DOCK4: variants seen among roughly 807,000 people sequenced by gnomAD.
DOCK4 encodes the protein dedicator of cytokinesis protein 4.
A neutral mutation model predicts 268.1 loss-of-function variants in DOCK4; 97 were observed. That is an observed-to-expected ratio of 0.36 (90% CI 0.31 to 0.43). The LOEUF (loss-of-function observed/expected upper bound fraction) is 0.43, where lower values mean the gene tolerates loss of function less well. Ranked by LOEUF, DOCK4 falls within the 20% of genes least tolerant of loss-of-function variation. The pLI, the probability that DOCK4 is intolerant of heterozygous loss-of-function variation, is 1.00. For missense variants in DOCK4, 2,145 were observed against 2,455.7 expected, an observed-to-expected ratio of 0.87 and a Z score of 2.67; for synonymous variants, 954 against 887.2, an observed-to-expected ratio of 1.08 and a Z score of -1.34.
rs558332124 is a variant in DOCK4 at position 111,911,780 on chromosome 7, A to C, written c.1192+3999T>G. On this transcript the variant is annotated intron_variant, in intron 13 of 52. Transcript: ENST00000428084. ...AGAGACCAAGCTGAGGAATTCTTCC[A>C]GCAGCTGGCTGCATTCTGCTCTAAA... Among the ~76,000 whole-genome samples, 11 of 152,222 alleles carry C rather than the reference A, an allele frequency of 7.2e-5. No individual in the cohort carries two copies. In the East Asian group the frequency reaches 2.1e-3, roughly 29 times the overall value.
chr7:112,156,114 C>A (rs929938529), intron 1 of DOCK4, among the ~76,000 whole-genome samples: 3 of 151,038 alleles, frequency 2.0e-5, no homozygotes, highest in Non-Finnish European at 4.4e-5. Context: ...GAGTCTCTTA[C>A]CCAACCTACA....
At chr7:112,080,488 G>T (rs1808483264) in intron 1 of DOCK4, among the ~76,000 whole-genome samples, 2 of 152,148 alleles carry the variant, frequency 1.3e-5, no homozygotes, top group Non-Finnish European at 2.9e-5. Flanking sequence ...TTACATATCT[G>T]CCAGTTTTTG....
At chr7:112,187,315 C>A (rs1346621612) in intron 1 of DOCK4, among the ~76,000 whole-genome samples, 2 of 152,174 alleles carry the variant, frequency 1.3e-5, no homozygotes, top group Non-Finnish European at 2.9e-5. Context: ...AGAGTCCAGT[C>A]ACTTTGAAGT....
chr7:112,129,907 GT>G (rs1813641764), intron 1 of DOCK4, among the ~76,000 whole-genome samples: 1 of 152,126 alleles, frequency 6.6e-6, no homozygotes, highest in Non-Finnish European at 1.5e-5. Context: ...ACCTTTTATA[GT>G]GGGATAAAAT....
intron 30 of DOCK4, among the ~76,000 whole-genome samples, chr7:111,806,821 T>C (rs1800710381): frequency 6.6e-6 from 1 of 152,228 alleles, no homozygotes; most frequent in East Asian, 1.9e-4. Context: ...AACAAAATAC[T>C]GCATTATAGG....
rs527951864 is a variant in DOCK4 at position 111,861,656 on chromosome 7, G to C, written c.2473+1716C>G. Among the ~76,000 whole-genome samples, 12 of 149,720 alleles carry C rather than the reference G, an allele frequency of 8.0e-5. No individual in the cohort carries two copies. The Middle Eastern group carries it at 0.014, about 172-fold the overall frequency. On this transcript the variant is annotated intron_variant, in intron 23 of 52. Transcript: ENST00000428084. ...AGCTACTCAGGAGGCTGAGACGGGAGAATCATCTGAACCCAGGAGACGGTA... is the reference window on the plus strand; with the variant it reads ...AGCTACTCAGGAGGCTGAGACGGGACAATCATCTGAACCCAGGAGACGGTA...
intron 47 of DOCK4, 93 bp from the exon 48 acceptor site, chr7:111,739,570 A>G (rs963865506): frequency 8.8e-7 from 1 of 1,133,330 alleles, no homozygotes; most frequent in African/African-American, 1.6e-5. Flanking sequence ...TTTTTTTCAA[A>G]TTAGCAACAA....
intron 35 of DOCK4, among the ~76,000 whole-genome samples, chr7:111,781,523 G>A (rs1351178987): frequency 6.6e-6 from 1 of 152,166 alleles, no homozygotes; most frequent in African/African-American, 2.4e-5. Flanking sequence ...GGTTACCGTT[G>A]GGTCTAATGA....
chr7:112,059,981 G>A (rs181813772), intron 1 of DOCK4, among the ~76,000 whole-genome samples: 160 of 152,254 alleles, frequency 1.1e-3, no homozygotes, highest in Non-Finnish European at 1.8e-3. Flanking sequence ...CTGGTATAAT[G>A]GAAAACGATT....
At chr7:112,023,428 C>A in intron 1 of DOCK4, 1 of 292,644 alleles carries the variant, frequency 3.4e-6, no homozygotes, top group South Asian at 3.2e-5. Context: ...TAAAGAGCAT[C>A]CAAGGCAGCC....
chr7:111,836,613 T>C (rs1803263860), intron 25 of DOCK4, among the ~76,000 whole-genome samples: 1 of 152,152 alleles, frequency 6.6e-6, no homozygotes, highest in Admixed American at 6.5e-5. Context: ...AACATAGTTA[T>C]ATTACTGTAT....
Position 111,727,598 on chromosome 7 carries a change from A to C in DOCK4, c.*676T>G, listed in dbSNP as rs1484662804. The C allele has an allele frequency of 6.5e-6, 1 of 152,674 alleles. No individual in the cohort carries two copies. Among genetic ancestry groups the C allele is most frequent in the Non-Finnish European group, 1.5e-5 (1 of 68,038 alleles). 9.5% of individuals were successfully genotyped at this position (152,674 alleles called of 1,614,324 possible). A position where few individuals can be genotyped will look rare whatever the true frequency, so the allele number is the denominator to read the frequency against. On this transcript the variant is annotated 3_prime_UTR_variant, in exon 53 of 53. Coordinates refer to ENST00000428084, the MANE Select transcript of DOCK4 (RefSeq NM_001363540.2). ...CTCTGAAGCAAATTGCACCTTGAAAAGAAATACAGTAGATACCACGGTGTC... is the reference window on the plus strand; with the variant it reads ...CTCTGAAGCAAATTGCACCTTGAAACGAAATACAGTAGATACCACGGTGTC...
rs115358118 is a variant in DOCK4 at position 111,829,221 on chromosome 7, C to T, written c.2835+5367G>A. 7.8e-3 allele frequency among the ~76,000 whole-genome samples: 1,180 copies of T among 152,228 alleles called. 16 individuals carry two copies. The highest frequency in any genetic ancestry group is 0.027 in the African/African-American group (1,116 of 41,526). ...TATCTCCATTCTATGACTAGAACTGCTTTATTAACTTCAGAGAGCTGACAA... is the reference window on the plus strand; with the variant it reads ...TATCTCCATTCTATGACTAGAACTGTTTTATTAACTTCAGAGAGCTGACAA... On this transcript the variant is annotated intron_variant, in intron 26 of 52. Transcript: ENST00000428084.
chr7:111,815,035 T>C (rs1801439192), intron 27 of DOCK4, among the ~76,000 whole-genome samples: 1 of 152,212 alleles, frequency 6.6e-6, no homozygotes, highest in Admixed American at 6.5e-5. Flanking sequence ...ATAGTATACA[T>C]AAACGCTGAG....
At chr7:112,064,680 C>T (rs1463341262) in intron 1 of DOCK4, among the ~76,000 whole-genome samples, 1 of 111,458 alleles carries the variant, frequency 9.0e-6, no homozygotes, top group Non-Finnish European at 1.7e-5. Flanking sequence ...TGAACTGTGC[C>T]CCCCCTTCAA....
rs558785880 is a variant in DOCK4 at position 112,058,139 on chromosome 7, G to T, written c.38-54008C>A. Among the ~76,000 whole-genome samples the T allele has an allele frequency of 2.7e-5, 4 of 150,608 alleles. No individual in the cohort carries two copies. The South Asian group carries it at 8.4e-4, about 32-fold the overall frequency. On this transcript the variant is annotated intron_variant, in intron 1 of 52. Transcript: ENST00000428084. ...AAATATTTAGAAAATTTTTTGGAGA[G>T]AGGGAATTCTAGTAGCAGTGACAAG...
chr7:112,077,193 C>CT (rs925859183), intron 1 of DOCK4, among the ~76,000 whole-genome samples: 11 of 152,172 alleles, frequency 7.2e-5, no homozygotes, highest in Admixed American at 5.2e-4. Context: ...TTGGATAAAT[C>CT]TTTGCTCCAC....
chr7:111,748,268 C>T (rs1470336121), intron 42 of DOCK4, among the ~76,000 whole-genome samples: 1 of 152,044 alleles, frequency 6.6e-6, no homozygotes, highest in Non-Finnish European at 1.5e-5. Flanking sequence ...TCATCTTAAA[C>T]CAACACTGAA....
chr7:112,133,870 G>C (rs1375431576), intron 1 of DOCK4, among the ~76,000 whole-genome samples: 5 of 152,188 alleles, frequency 3.3e-5, no homozygotes, highest in African/African-American at 1.2e-4. Flanking sequence ...CAAACTGTGA[G>C]TTATCTCACA....
Sources: gnomAD v4.1 joint callset for allele counts (sites outside exome capture counted in the v4.1 genomes callset) on GRCh38, gnomAD v4.1.1 for gene constraint, MANE v1.5 for transcripts, NCBI Gene and HGNC (gene_info 2026-07-23, HGNC 2026-07-21) for gene names.